Variants in NADK observed in about 807,000 individuals in gnomAD.
NADK encodes the protein poly(P)/ATP NAD kinase.
A neutral mutation model predicts 49.8 loss-of-function variants in NADK; 22 were observed. The observed-to-expected ratio is 0.44, with a 90% CI of 0.32 to 0.63. The LOEUF (loss-of-function observed/expected upper bound fraction) is 0.63. Ranked by LOEUF, NADK falls within the 30% of genes least tolerant of loss-of-function variation. The pLI is 0.06. For missense variants in NADK, 438 were observed against 609.4 expected (o/e 0.72, Z 2.96); for synonymous variants, 268 against 253.7 (o/e 1.06, Z -0.54).
chr1:1,778,556 C>T (rs1328176245), upstream of NADK: 2 of 151,200 alleles, frequency 1.3e-5, no homozygotes, highest in Non-Finnish European at 3.0e-5. The surrounding 1 kb of genome is among the most constrained non-coding windows in gnomAD (Gnocchi z 4.9). Context: ...GCCGGGACAC[C>T]CCGCGCGGGC....
Position 1,752,329 on chromosome 1 carries a change from C to G in NADK, c.*575G>C, listed in dbSNP as rs1422288620. The G allele has an allele frequency of 6.5e-6, 1 of 152,732 alleles. No homozygotes were observed. The highest frequency in any genetic ancestry group is 1.5e-5 in the Non-Finnish European group (1 of 68,200). 9.5% of individuals were successfully genotyped at this position (152,732 alleles called of 1,614,324 possible). ...AGTGTCCCAGACTCAGTGCTGGCCT[C>G]AAGCGGGGAGGGCTGGATGGCAGGG... On this transcript the variant is annotated 3_prime_UTR_variant, in exon 12 of 12. Transcript: ENST00000341426.
chr1:1,776,936 G>GC (rs2100396867), intron 1 of NADK, among the ~76,000 whole-genome samples: 1 of 149,820 alleles, frequency 6.7e-6, no homozygotes, highest in East Asian at 2.0e-4. Flanking sequence ...AAATCAGCTA[G>GC]GTGTGGTGGT....
chr1:1,768,599 A>C (rs951392221), intron 1 of NADK, among the ~76,000 whole-genome samples: 1 of 152,114 alleles, frequency 6.6e-6, no homozygotes, highest in Non-Finnish European at 1.5e-5. Flanking sequence ...CTCTGTTCCC[A>C]CCCTCACTGG....
At chr1:1,759,762 C>CG in intron 3 of NADK, 2 of 1,556,040 alleles carry the variant, frequency 1.3e-6, no homozygotes, top group South Asian at 2.4e-5. Flanking sequence ...TGTCTGGCCT[C>CG]GGGCAGCTCG....
chr1:1,772,260 TCAGA>T (rs1272657385), intron 1 of NADK, among the ~76,000 whole-genome samples: 1 of 151,926 alleles, frequency 6.6e-6, no homozygotes, highest in African/African-American at 2.4e-5. Flanking sequence ...CCTACTGTGC[TCAGA>T]CAATCTTCCC....
rs913609094 is a variant in NADK, at chr1:1,752,337, G to A, written c.*567C>T. 1.3e-5 allele frequency: 2 copies of A among 152,718 alleles called. No individual in the cohort carries two copies. The highest frequency in any genetic ancestry group is 1.3e-4 in the Admixed American group (2 of 15,298). The allele number at this position is 152,718 out of a possible 1,614,324, so 9.5% of individuals were successfully genotyped here. A position where few individuals can be genotyped will look rare whatever the true frequency, so the allele number is the denominator to read the frequency against. On this transcript the variant is annotated 3_prime_UTR_variant, in exon 12 of 12. Coordinates refer to ENST00000341426, the MANE Select transcript of NADK (RefSeq NM_023018.5). ...AGACTCAGTGCTGGCCTCAAGCGGG[G>A]AGGGCTGGATGGCAGGGGACGCATC...
chr1:1,769,384 TA>T (rs1354702285), intron 1 of NADK, among the ~76,000 whole-genome samples: 10 of 152,024 alleles, frequency 6.6e-5, no homozygotes, highest in Non-Finnish European at 1.0e-4. Flanking sequence ...CCGTCTCTAC[TA>T]AAAATACAAA....
Position 1,752,736 on chromosome 1 carries a change from A to T in NADK, c.*168T>A, listed in dbSNP as rs1645364188. 1.3e-6 allele frequency: 1 copy of T among 756,136 alleles called. No individual in the cohort carries two copies. Among genetic ancestry groups the T allele is most frequent in the Admixed American group, 2.7e-5 (1 of 36,578 alleles). 46.8% of individuals were successfully genotyped at this position (756,136 alleles called of 1,614,324 possible). On this transcript the variant is annotated 3_prime_UTR_variant, in exon 12 of 12. Transcript: ENST00000341426. ...AAATGCAAAAAAAGTCAGACATTTT[A>T]AAAAAACAGCTGATCTGGACAAAAG...
chr1:1,772,321 CCTGA>C (rs1646076586), intron 1 of NADK, among the ~76,000 whole-genome samples: 1 of 152,044 alleles, frequency 6.6e-6, no homozygotes, highest in Admixed American at 6.6e-5. Flanking sequence ...CACCACCATG[CCTGA>C]CTAATTTTTG....
At position 1,754,932 on chromosome 1, in the gene NADK, C is replaced by T. The variant is rs1276013791; in HGVS notation, c.689-234G>A. ...TGCCTCCCAGGTTCAAGTGATTCTC[C>T]TGCCTCAGCCTCCCAAGTAGCTGGA... is the stretch of plus-strand genomic sequence containing the variant. On this transcript the variant is annotated intron_variant, in intron 7 of 11. Coordinates refer to ENST00000341426, the MANE Select transcript of NADK (RefSeq NM_023018.5). The surrounding 1 kb of genome is among the most constrained non-coding windows in gnomAD (Gnocchi z 4.3). 1.2e-5 allele frequency: 6 copies of T among 486,556 alleles called. No homozygotes were observed. Among genetic ancestry groups the T allele is most frequent in the Non-Finnish European group, 2.2e-5 (6 of 276,052 alleles). 30.1% of individuals were successfully genotyped at this position (486,556 alleles called of 1,614,324 possible).
At chr1:1,766,653 A>T (rs66701417) in intron 1 of NADK, among the ~76,000 whole-genome samples, 1 of 151,268 alleles carries the variant, frequency 6.6e-6, no homozygotes, top group Non-Finnish European at 1.5e-5. Context: ...ACTGGTGAGG[A>T]TAGAAAACCT....
chr1:1,767,843 A>C (rs1645931358), intron 1 of NADK, among the ~76,000 whole-genome samples: 1 of 152,048 alleles, frequency 6.6e-6, no homozygotes, highest in Non-Finnish European at 1.5e-5. Context: ...TTGAAGCCCT[A>C]ACTTCCAGTG....
At chr1:1,762,630 G>A (rs1270162257) in intron 2 of NADK, among the ~76,000 whole-genome samples, 2 of 152,074 alleles carry the variant, frequency 1.3e-5, no homozygotes, top group Non-Finnish European at 2.9e-5. Flanking sequence ...GGTGGCGTGT[G>A]CCTGCAGTCC....
intron 1 of NADK, among the ~76,000 whole-genome samples, chr1:1,766,515 AC>A (rs1645893047): frequency 1.3e-5 from 2 of 148,270 alleles, no homozygotes; most frequent in African/African-American, 4.9e-5. Context: ...AATTTCAAAT[AC>A]CCTAGTCCAG....
intron 3 of NADK, chr1:1,759,066 T>A: frequency 6.7e-7 from 1 of 1,492,182 alleles, no homozygotes; most frequent in South Asian, 1.3e-5. Context: ...TGCACACGGC[T>A]CCCCCTGCTC....
chr1:1,773,932 G>A (rs143276244), intron 1 of NADK, among the ~76,000 whole-genome samples: 78 of 151,868 alleles, frequency 5.1e-4, no homozygotes, highest in Non-Finnish European at 9.3e-4. Context: ...ACAGGGTCTC[G>A]CTACCTTGAA....
chr1:1,755,704 G>A (rs1316255474), intron 6 of NADK, among the ~76,000 whole-genome samples: 1 of 152,176 alleles, frequency 6.6e-6, no homozygotes, highest in East Asian at 1.9e-4. Context: ...AAAGGTGGCA[G>A]GGCTGAGCGG....
intron 1 of NADK, among the ~76,000 whole-genome samples, chr1:1,775,867 C>G (rs1570592842): frequency 6.6e-6 from 1 of 152,180 alleles, no homozygotes; most frequent in East Asian, 1.9e-4. Flanking sequence ...GATAAGCCAC[C>G]AGCACAGAGA....
At chr1:1,753,706 G>T (rs1645408472) in intron 10 of NADK, 57 bp from the exon 11 acceptor site, 1 of 1,472,136 alleles carries the variant, frequency 6.8e-7, no homozygotes, top group Non-Finnish European at 9.4e-7. Context: ...ACGCTTCTAG[G>T]CACCCACCCC....
Sources: allele counts gnomAD v4.1 joint callset (sites outside exome capture counted in the v4.1 genomes callset), GRCh38; gene constraint gnomAD v4.1.1; non-coding constraint Gnocchi (gnomAD v3.1); transcripts MANE v1.5; gene names NCBI Gene and HGNC (gene_info 2026-07-23, HGNC 2026-07-21).